Variants in TMEM230 observed in about 807,000 individuals in gnomAD.
The protein encoded by TMEM230 is UPF0414 transmembrane protein C20orf30.
A neutral mutation model predicts 15.8 loss-of-function variants in TMEM230; 10 were observed. That is an observed-to-expected ratio of 0.63 (90% CI 0.39 to 1.07). The LOEUF (loss-of-function observed/expected upper bound fraction) is 1.07. Among genes scored for constraint, TMEM230 ranks in the 50% least tolerant of loss-of-function variants. TMEM230 has a pLI of 0.01. For synonymous variants in TMEM230, 67 were observed against 76.9 expected (o/e 0.87, Z 0.68); for missense variants, 165 against 193.3 (o/e 0.85, Z 0.87).
chr20:5,060,158 C>G, the TMEM230 span, among the ~76,000 whole-genome samples: 1 of 152,222 alleles, frequency 6.6e-6, no homozygotes, highest in East Asian at 1.9e-4. Flanking sequence ...ACAATCCTCC[C>G]GCCTTGGCCT....
intron 3 of TMEM230, among the ~76,000 whole-genome samples, chr20:5,083,306 T>C (rs79410818): frequency 6.8e-6 from 1 of 148,008 alleles, no homozygotes; most frequent in East Asian, 1.9e-4. Flanking sequence ...TTTTTTTTTT[T>C]TTTTAGGAGC....
At chr20:5,086,385 A>G (rs1236433419) in intron 3 of TMEM230, among the ~76,000 whole-genome samples, 1 of 151,872 alleles carries the variant, frequency 6.6e-6, no homozygotes. Flanking sequence ...TAAAAATACA[A>G]AAAATTAGCC....
At chr20:5,096,813 A>T (rs2089678195), downstream of TMEM230, among the ~76,000 whole-genome samples, 1 of 152,218 alleles carries the variant, frequency 6.6e-6, no homozygotes, top group East Asian at 1.9e-4. Context: ...ATGGAAATGC[A>T]CACGATTCCA....
chr20:5,108,670 A>G (rs986682674), intron 3 of TMEM230, among the ~76,000 whole-genome samples: 3 of 152,190 alleles, frequency 2.0e-5, no homozygotes, highest in African/African-American at 7.2e-5. Flanking sequence ...ATTTATTTAT[A>G]AAGGATGGTT....
At chr20:5,106,108 C>A in intron 4 of TMEM230, 80 bp downstream of exon 3, 1 of 1,536,396 alleles carries the variant, frequency 6.5e-7, no homozygotes, top group Non-Finnish European at 8.8e-7. Flanking sequence ...CACACACACA[C>A]ACACACACAC....
intron 3 of TMEM230, among the ~76,000 whole-genome samples, chr20:5,072,380 C>T (rs747262807): frequency 3.3e-5 from 5 of 152,056 alleles, no homozygotes; most frequent in Non-Finnish European, 4.4e-5. Context: ...TAGTTCTTGG[C>T]GAGTTTGCAG....
intron 4 of TMEM230, among the ~76,000 whole-genome samples, chr20:5,104,849 GAATGATGGTTACC>G (rs2090007234): frequency 6.6e-6 from 1 of 152,202 alleles, no homozygotes; most frequent in Non-Finnish European, 1.5e-5. Flanking sequence ...GGATATTGTA[GAATGATGGTTACC>G]AAAGGCTGGG....
chr20:5,109,161 G>A, intron 3 of TMEM230, 171 bp downstream of exon 2: 1 of 551,176 alleles, frequency 1.8e-6, no homozygotes, highest in East Asian at 3.0e-5. Flanking sequence ...AAACTACCCT[G>A]CCACGGCCCT....
chr20:5,105,156 G>C (rs1455229977), intron 4 of TMEM230, among the ~76,000 whole-genome samples: 2 of 152,002 alleles, frequency 1.3e-5, no homozygotes, highest in African/African-American at 4.8e-5. Context: ...GTGCTGGCTT[G>C]CCACCATAGT....
chr20:5,091,895 C>G (rs1424772399), intron 3 of TMEM230, among the ~76,000 whole-genome samples: 1 of 152,116 alleles, frequency 6.6e-6, no homozygotes, highest in Non-Finnish European at 1.5e-5. Flanking sequence ...TTTGGAGAAC[C>G]TAAGTACATC....
intron 3 of TMEM230, among the ~76,000 whole-genome samples, chr20:5,071,987 G>T (rs568717212): frequency 9.2e-5 from 14 of 152,126 alleles, no homozygotes; most frequent in African/African-American, 3.1e-4. Flanking sequence ...CTGGCCTCAA[G>T]TGATCCACCT....
At chr20:5,094,310 T>A (rs2089600395) in intron 3 of TMEM230, among the ~76,000 whole-genome samples, 1 of 151,542 alleles carries the variant, frequency 6.6e-6, no homozygotes, top group Non-Finnish European at 1.5e-5. Flanking sequence ...CAGTGGACCA[T>A]CACAGGTCAC....
chr20:5,106,148 A>G (rs925916122), intron 4 of TMEM230, 40 bp downstream of exon 3: 5 of 1,594,330 alleles, frequency 3.1e-6, no homozygotes, highest in Non-Finnish European at 4.3e-6. Flanking sequence ...CTAACATTTT[A>G]AAAATCTCAC....
At chr20:5,091,933 G>A (rs1264051692) in intron 3 of TMEM230, among the ~76,000 whole-genome samples, 1 of 152,084 alleles carries the variant, frequency 6.6e-6, no homozygotes, top group African/African-American at 2.4e-5. Flanking sequence ...AAAGTTCTGT[G>A]GTCTACTTTT....
chr20:5,060,669 A>T, the TMEM230 span, among the ~76,000 whole-genome samples: 2 of 152,000 alleles, frequency 1.3e-5, no homozygotes, highest in African/African-American at 4.8e-5. Flanking sequence ...TGTCTTTCTC[A>T]GTTAACATTT....
Position 5,100,860 on chromosome 20 carries a change from G to A in TMEM230, c.483C>T (p.Arg161=), listed in dbSNP as rs1444333220. ...AGCCTTTGGATGCATAGTAAGCGAT[G>A]CGCAGGTGGTAAAATCCGGGTAGGA... The change falls in exon 5 of 5, where the codon CGC becomes CGT. Residue 161 remains arginine, a synonymous_variant. Transcript: ENST00000342308. The A allele has an allele frequency of 6.2e-7, 1 of 1,614,198 alleles. No individual in the cohort carries two copies. Among genetic ancestry groups the A allele is most frequent in the South Asian group, 1.1e-5 (1 of 91,084 alleles).
At chr20:5,063,699 A>G (rs2088627378), downstream of TMEM230, among the ~76,000 whole-genome samples, 15 of 152,190 alleles carry the variant, frequency 9.9e-5, no homozygotes, top group Admixed American at 9.2e-4. Flanking sequence ...AAAAGTGAAA[A>G]GTCATACAAG....
At chr20:5,107,512 T>G (rs1248507487) in intron 3 of TMEM230, among the ~76,000 whole-genome samples, 1 of 152,232 alleles carries the variant, frequency 6.6e-6, no homozygotes, top group Admixed American at 6.5e-5. Flanking sequence ...AATCATTCAT[T>G]GTATCATAAG....
intron 4 of TMEM230, among the ~76,000 whole-genome samples, chr20:5,103,138 C>T (rs935309997): frequency 1.4e-4 from 22 of 152,182 alleles, no homozygotes; most frequent in African/African-American, 3.4e-4. Flanking sequence ...CTAGGGTGGG[C>T]CTCACACTGA....
Sources: gnomAD v4.1 joint callset for allele counts (sites outside exome capture counted in the v4.1 genomes callset) on GRCh38, gnomAD v4.1.1 for gene constraint, MANE v1.5 for transcripts, NCBI Gene and HGNC (gene_info 2026-07-23, HGNC 2026-07-21) for gene names.